The following PDE7A variants were observed in gnomAD, a reference collection of about 807,000 sequenced individuals.
PDE7A encodes the protein high affinity 3',5'-cyclic-AMP phosphodiesterase 7A.
In PDE7A, 39 loss-of-function variants were observed where a neutral mutation model predicts 64.3. The ratio of observed to expected loss-of-function variants is 0.61; its 90% CI spans 0.47 to 0.79. The LOEUF (loss-of-function observed/expected upper bound fraction) is 0.79, where lower values mean the gene tolerates loss of function less well. Ranked by LOEUF, PDE7A falls within the 30% of genes least tolerant of loss-of-function variation. PDE7A has a pLI of 0.00. For missense variants in PDE7A, 470 were observed against 582.8 expected, an observed-to-expected ratio of 0.81 and a Z score of 1.99; for synonymous variants, 203 against 206.8, an observed-to-expected ratio of 0.98 and a Z score of 0.16.
intron 7 of PDE7A, among the ~76,000 whole-genome samples, chr8:65,730,133 TG>T (rs1367950313): frequency 6.7e-6 from 1 of 148,236 alleles, no homozygotes; most frequent in Non-Finnish European, 1.5e-5. Flanking sequence ...CAAACCCTAT[TG>T]TAAACTGTGC....
chr8:65,796,584 T>A (rs1448041970), intron 1 of PDE7A, among the ~76,000 whole-genome samples: 1 of 152,022 alleles, frequency 6.6e-6, no homozygotes, highest in East Asian at 1.9e-4. Context: ...ATTAACAGAA[T>A]TAAGAAAAAT....
chr8:65,780,034 T>G (rs1294122277), intron 2 of PDE7A, among the ~76,000 whole-genome samples: 2 of 152,072 alleles, frequency 1.3e-5, no homozygotes, highest in African/African-American at 4.8e-5. Flanking sequence ...CTATAATAAT[T>G]ATTATAATCT....
rs1423560580 is a variant in PDE7A, at chr8:65,814,574, T to TAATACATACGA, written c.138+26786_138+26796dup. Reference sequence around the variant, plus strand: ...TGTATATATATAATACGTACACATATAATACATACGAAGATGTCTATCTTT... The same window carrying TAATACATACGA: ...TGTATATATATAATACGTACACATATAATACATACGAAATACATACGAAGATGTCTATCTTT... On this transcript the variant is annotated intron_variant, in intron 1 of 12. Coordinates refer to ENST00000401827, the MANE Select transcript of PDE7A (RefSeq NM_001242318.3). Among the ~76,000 whole-genome samples, 126 of 125,084 alleles carry TAATACATACGA rather than the reference T, an allele frequency of 1.0e-3. 1 individual carries two copies. The highest frequency in any genetic ancestry group is 5.2e-3 in the Admixed American group (49 of 9,476). The allele number at this position is 125,084 out of a possible 152,430, so 82.1% of individuals were successfully genotyped here. A position where few individuals can be genotyped will look rare whatever the true frequency, so the allele number is the denominator to read the frequency against.
At chr8:65,744,448 C>T (rs1807581518) in intron 5 of PDE7A, among the ~76,000 whole-genome samples, 2 of 152,148 alleles carry the variant, frequency 1.3e-5, no homozygotes, top group African/African-American at 4.8e-5. Context: ...GTTCCTTTTC[C>T]TACAGAACAT....
intron 1 of PDE7A, among the ~76,000 whole-genome samples, chr8:65,798,241 A>G (rs1423822485): frequency 7.5e-6 from 1 of 134,066 alleles, no homozygotes; most frequent in Non-Finnish European, 1.5e-5. Context: ...TCGCTCTGTC[A>G]CCCAGGCTGC....
At chr8:65,759,339 A>G (rs1018458019) in intron 3 of PDE7A, among the ~76,000 whole-genome samples, 1 of 152,208 alleles carries the variant, frequency 6.6e-6, no homozygotes, top group African/African-American at 2.4e-5. Context: ...TGAGGCCAAG[A>G]GGGCCAAATC....
At chr8:65,811,728 T>A (rs868657383) in intron 1 of PDE7A, among the ~76,000 whole-genome samples, 1 of 152,140 alleles carries the variant, frequency 6.6e-6, no homozygotes, top group Non-Finnish European at 1.5e-5. Flanking sequence ...ATACTTGGTG[T>A]GTAGTTAGAG....
At chr8:65,789,379 T>C (rs1194721172) in intron 1 of PDE7A, among the ~76,000 whole-genome samples, 1 of 152,256 alleles carries the variant, frequency 6.6e-6, no homozygotes, top group Non-Finnish European at 1.5e-5. Flanking sequence ...CACATAGAAC[T>C]GTTTCACAAG....
intron 5 of PDE7A, among the ~76,000 whole-genome samples, chr8:65,741,274 T>C (rs749916475): frequency 1.3e-5 from 2 of 152,170 alleles, no homozygotes; most frequent in Non-Finnish European, 2.9e-5. Flanking sequence ...ATTCAGATAA[T>C]GCAATAAAAT....
chr8:65,763,758 C>T (rs550378192), intron 3 of PDE7A, among the ~76,000 whole-genome samples: 72 of 152,290 alleles, frequency 4.7e-4, no homozygotes, highest in African/African-American at 1.5e-3. Context: ...AAGCAAAGTA[C>T]ACAAAGTCTT....
intron 1 of PDE7A, among the ~76,000 whole-genome samples, chr8:65,828,699 C>T (rs1291629133): frequency 6.6e-6 from 1 of 152,066 alleles, no homozygotes; most frequent in Non-Finnish European, 1.5e-5. Context: ...AAATGATACT[C>T]CAACTCCACA....
rs1046638681 is a variant in PDE7A, at chr8:65,715,162, A to T, written c.*4128T>A. On this transcript the variant is annotated 3_prime_UTR_variant, in exon 13 of 13. Coordinates refer to ENST00000401827, the MANE Select transcript of PDE7A (RefSeq NM_001242318.3). The stretch of plus-strand genomic sequence containing the variant: ...GTTCTGTAATATTTACTTGCTTTTT[A>T]AAAAAGTAATCTTTTAAATATTTAA... 6.6e-6 allele frequency among the ~76,000 whole-genome samples: 1 copy of T among 152,156 alleles called. No individual in the cohort carries two copies. Among genetic ancestry groups the T allele is most frequent in the Non-Finnish European group, 1.5e-5 (1 of 68,030 alleles).
intron 1 of PDE7A, among the ~76,000 whole-genome samples, chr8:65,794,417 T>G (rs1809783761): frequency 6.6e-6 from 1 of 151,674 alleles, no homozygotes; most frequent in Non-Finnish European, 1.5e-5. Flanking sequence ...GAGACCGATT[T>G]GTAGGTGAGG....
Position 65,817,877 on chromosome 8 carries a change from T to C in PDE7A, c.138+23494A>G, listed in dbSNP as rs1215915791. ...ACGCCATTCTCCTGCCTCAGCCTCC[T>C]GAGTAGCTGGGATTACAGGCGCCTG... On this transcript the variant is annotated intron_variant, in intron 1 of 12. Transcript: ENST00000401827. Among the ~76,000 whole-genome samples the C allele has an allele frequency of 3.1e-3, 465 of 151,568 alleles. 1 individual carries two copies. Among genetic ancestry groups the C allele is most frequent in the African/African-American group, 0.011 (448 of 41,204 alleles).
chr8:65,767,646 G>C (rs1487098651), intron 3 of PDE7A, among the ~76,000 whole-genome samples: 1 of 152,078 alleles, frequency 6.6e-6, no homozygotes, highest in Non-Finnish European at 1.5e-5. Context: ...CTGACCTCAA[G>C]AAGCTTTCAT....
At chr8:65,839,226 A>ATTTT (rs1563527043) in intron 1 of PDE7A, among the ~76,000 whole-genome samples, 87 of 145,850 alleles carry the variant, frequency 6.0e-4, no homozygotes, top group Middle Eastern at 7.2e-3. Flanking sequence ...TTTTTTTTAA[A>ATTTT]AAAAAAAGGG....
rs376061587 is a variant in PDE7A, at chr8:65,841,963, GGCCGCCGCC to G, written c.-464_-456del. ...GGACTCAGGAGCAGCGACCAGCTCG[GGCCGCCGCC>G]GCCGCCGCCGCCGCCGCCGCCGGAG... On this transcript the variant is annotated 5_prime_UTR_variant, in exon 1 of 13. Coordinates refer to ENST00000401827, the MANE Select transcript of PDE7A (RefSeq NM_001242318.3). 0.086 allele frequency: 20,862 copies of G among 242,972 alleles called. 1,933 individuals are homozygous for G. The highest frequency in any genetic ancestry group is 0.28 in the African/African-American group (11,348 of 41,130). The allele number at this position is 242,972 out of a possible 1,614,324, so 15.1% of individuals were successfully genotyped here.
At chr8:65,788,982 C>T in intron 1 of PDE7A, 1 of 1,604,720 alleles carries the variant, frequency 6.2e-7, no homozygotes, top group South Asian at 1.1e-5. Flanking sequence ...CTCTCTTCTA[C>T]TAGGGAGCAA....
intron 1 of PDE7A, among the ~76,000 whole-genome samples, chr8:65,805,045 T>C (rs1349951031): frequency 6.6e-6 from 1 of 151,938 alleles, no homozygotes; most frequent in Non-Finnish European, 1.5e-5. Flanking sequence ...ACTCTCCCTA[T>C]ATTGCCCAGG....
Sources: allele counts gnomAD v4.1 joint callset (sites outside exome capture counted in the v4.1 genomes callset), GRCh38; gene constraint gnomAD v4.1.1; transcripts MANE v1.5; gene names NCBI Gene and HGNC (gene_info 2026-07-23, HGNC 2026-07-21).